NECAP1: variants seen among roughly 807,000 people sequenced by gnomAD.
NECAP1 encodes NECAP endocytosis associated 1.
In NECAP1, 13 loss-of-function variants were observed where a neutral mutation model predicts 33.4. The observed-to-expected ratio is 0.39, with a 90% confidence interval of 0.25 to 0.62. NECAP1 has a LOEUF of 0.62. NECAP1 is among the 20% of genes least tolerant of loss of function. NECAP1 has a pLI of 0.52. For missense variants in NECAP1, 272 were observed against 347.4 expected (o/e 0.78, Z 1.73); for synonymous variants, 109 against 125.2 (o/e 0.87, Z 0.86).
At chr12:8,082,815 C>CACACA (rs1565642229) in intron 1 of NECAP1, 1 of 152,748 alleles carries the variant, frequency 6.5e-6, no homozygotes, top group East Asian at 1.8e-4. Context: ...CACACACACA[C>CACACA]ACCTTTCCAG....
chr12:8,082,739 G>T, intron 1 of NECAP1: 1 of 234,636 alleles, frequency 4.3e-6, no homozygotes, highest in Non-Finnish European at 8.5e-6. Context: ...GCGTCCTTCA[G>T]CTTATCATCC....
rs146032326 is a variant in NECAP1 at position 8,084,167 on chromosome 12, G to A, written c.95+1784G>A. On this transcript the variant is annotated intron_variant, in intron 1 of 7. Transcript: ENST00000339754. ...GTCTGTTATTTTGCCCCTTACTGGC[G>A]TTTTATTCATCATGAATCAATATTT... Among the ~76,000 whole-genome samples, 118 of 152,180 alleles carry A rather than the reference G, an allele frequency of 7.8e-4. 1 individual carries two copies. In the South Asian group the frequency reaches 9.1e-3, roughly 12 times the overall value.
intron 6 of NECAP1, chr12:8,093,746 AAAATAAATAAAT>A (rs562802327): frequency 1.4e-4 from 22 of 152,126 alleles, no homozygotes; most frequent in African/African-American, 5.3e-4. Flanking sequence ...GAAACAAACA[AAAATAAATAAAT>A]AAATAAATAG....
intron 1 of NECAP1, among the ~76,000 whole-genome samples, chr12:8,087,029 C>T (rs1409187889): frequency 7.1e-6 from 1 of 140,140 alleles, no homozygotes; most frequent in Admixed American, 7.7e-5. Flanking sequence ...AAAAATTCTT[C>T]ACTACCCTCT....
At chr12:8,093,990 A>G (rs1947572990) in intron 6 of NECAP1, among the ~76,000 whole-genome samples, 1 of 152,174 alleles carries the variant, frequency 6.6e-6, no homozygotes, top group Non-Finnish European at 1.5e-5. Flanking sequence ...ATATCTTCTC[A>G]TTTGAAAAAT....
chr12:8,091,959 A>C (rs892140546), intron 4 of NECAP1, 109 bp downstream of exon 4: 4 of 939,948 alleles, frequency 4.3e-6, no homozygotes, highest in Non-Finnish European at 6.6e-6. Context: ...TTCTTAAACT[A>C]TTTCATTGTG....
intron 1 of NECAP1, 127 bp from the exon 2 acceptor site, chr12:8,089,809 C>G: frequency 2.7e-6 from 2 of 728,408 alleles, no homozygotes; most frequent in South Asian, 3.2e-5. Flanking sequence ...ATGAATTATT[C>G]TTGTTGATTA....
At chr12:8,085,686 C>CTTTTTTTTTTTTTTTTTTTTTTTTTTTTT (rs554942626) in intron 1 of NECAP1, among the ~76,000 whole-genome samples, 1 of 104,810 alleles carries the variant, frequency 9.5e-6, no homozygotes, top group African/African-American at 4.2e-5. Context: ...ACTTAATCTT[C>CTTTTTTTTTTTTTTTTTTTTTTTTTTTTT]TTTTTTTTTT....
intron 3 of NECAP1, 63 bp from the exon 4 acceptor site, chr12:8,091,706 G>A (rs779279111): frequency 2.1e-5 from 31 of 1,455,342 alleles, no homozygotes; most frequent in Middle Eastern, 2.1e-4. Context: ...GACTGGTGCC[G>A]GGGGTTGGGG....
intron 3 of NECAP1, chr12:8,090,512 C>T: frequency 1.9e-6 from 1 of 524,516 alleles, no homozygotes; most frequent in Non-Finnish European, 3.4e-6. Flanking sequence ...CATATGTAGA[C>T]TTAAATAAAT....
chr12:8,085,944 A>G (rs1399485333), intron 1 of NECAP1, among the ~76,000 whole-genome samples: 1 of 152,032 alleles, frequency 6.6e-6, no homozygotes, highest in African/African-American at 2.4e-5. Flanking sequence ...GCCTCAGGCA[A>G]TCCACCCACC....
intron 1 of NECAP1, among the ~76,000 whole-genome samples, chr12:8,087,020 A>ATTTTTTT (rs1565643454): frequency 2.0e-4 from 30 of 147,486 alleles, no homozygotes; most frequent in Admixed American, 9.5e-4. Context: ...TTTTTAAAAA[A>ATTTTTTT]AAATTCTTCA....
rs1329833303 is a variant in NECAP1, at chr12:8,097,567, A to C, written c.*1477A>C. ...TGTTAAAATTCCAATAGAAAACACT[A>C]AAAGGAAAGTCTGTGGAATCACTAG... On this transcript the variant is annotated 3_prime_UTR_variant, in exon 8 of 8. Transcript: ENST00000339754. 1 of 152,622 alleles carries C rather than the reference A, an allele frequency of 6.6e-6. No individual in the cohort carries two copies. The highest frequency in any genetic ancestry group is 2.4e-5 in the African/African-American group (1 of 41,462). 9.5% of individuals were successfully genotyped at this position (152,622 alleles called of 1,614,324 possible). A position where few individuals can be genotyped will look rare whatever the true frequency, so the allele number is the denominator to read the frequency against.
intron 3 of NECAP1, chr12:8,091,152 A>G (rs1222514080): frequency 6.5e-6 from 1 of 153,028 alleles, no homozygotes; most frequent in Non-Finnish European, 1.5e-5. Flanking sequence ...ATGAGAAGAT[A>G]TTTCACATTC....
intron 6 of NECAP1, among the ~76,000 whole-genome samples, chr12:8,093,989 C>T (rs1006817910): frequency 6.6e-6 from 1 of 152,092 alleles, no homozygotes; most frequent in Non-Finnish European, 1.5e-5. Flanking sequence ...TATATCTTCT[C>T]ATTTGAAAAA....
chr12:8,086,024 A>G (rs1947487835), intron 1 of NECAP1, among the ~76,000 whole-genome samples: 1 of 152,088 alleles, frequency 6.6e-6, no homozygotes, highest in Non-Finnish European at 1.5e-5. Flanking sequence ...AATTTTCACG[A>G]GAATGGGCAT....
At chr12:8,089,831 G>A (rs1433822372) in intron 1 of NECAP1, 105 bp from the exon 2 acceptor site, 6 of 838,328 alleles carry the variant, frequency 7.2e-6, no homozygotes, top group Non-Finnish European at 1.2e-5. Context: ...TAGGTAGAAA[G>A]AATAGGCAAT....
In NECAP1 at chr12:8,096,373, C is replaced by T. The variant is rs773690994; in HGVS notation, c.*283C>T. Reference sequence around the variant, plus strand: ...GACTATGCAGGGCTTAAAAGGCCAGCGTCTGTTTGAGGGGGAATGACCTCT... The same window carrying T: ...GACTATGCAGGGCTTAAAAGGCCAGTGTCTGTTTGAGGGGGAATGACCTCT... On this transcript the variant is annotated 3_prime_UTR_variant, in exon 8 of 8. Coordinates refer to ENST00000339754, the MANE Select transcript of NECAP1 (RefSeq NM_015509.4). 9 of 339,038 alleles carry T rather than the reference C, an allele frequency of 2.7e-5. No individual in the cohort carries two copies. The highest frequency in any genetic ancestry group is 9.1e-5 in the South Asian group (1 of 10,932). 21.0% of individuals were successfully genotyped at this position (339,038 alleles called of 1,614,324 possible).
In NECAP1 at chr12:8,084,122, A is replaced by C. The variant is rs373930415; in HGVS notation, c.95+1739A>C. 1.6e-4 allele frequency among the ~76,000 whole-genome samples: 25 copies of C among 152,238 alleles called. No homozygotes were observed. In the East Asian group the frequency reaches 3.3e-3, roughly 20 times the overall value. ...CTGGCATTTATCATTACCTTGGCTG[A>C]AAAGTTACCCTCTCCTTATGTCTGT... is the stretch of plus-strand genomic sequence containing the variant. On this transcript the variant is annotated intron_variant, in intron 1 of 7. Transcript: ENST00000339754.
Sources: allele counts gnomAD v4.1 joint callset (sites outside exome capture counted in the v4.1 genomes callset), GRCh38; gene constraint gnomAD v4.1.1; transcripts MANE v1.5; gene names NCBI Gene and HGNC (gene_info 2026-07-23, HGNC 2026-07-21).